Variants in ZNF687 observed in about 807,000 individuals in gnomAD.
The protein encoded by ZNF687 is zinc finger protein 687.
ZNF687 carries 13 observed loss-of-function variants against 71.8 expected under a neutral mutation model. That is an observed-to-expected ratio of 0.18 (90% CI 0.12 to 0.29). The LOEUF is 0.29. ZNF687 is among the 10% of genes least tolerant of loss of function. ZNF687 has a pLI of 1.00. For missense variants in ZNF687, 1,412 were observed against 1,625.6 expected, an observed-to-expected ratio of 0.87 and a Z score of 2.26; for synonymous variants, 673 against 641.6, an observed-to-expected ratio of 1.05 and a Z score of -0.74.
At chr1:151,289,048 T>C (rs1694079875) in intron 3 of ZNF687, 47 bp from the exon 4 acceptor site, 1 of 1,590,062 alleles carries the variant, frequency 6.3e-7, no homozygotes, top group East Asian at 2.2e-5. Context: ...GGGGTGGGCA[T>C]GGAGATGCCT....
rs1694068239 is a variant in ZNF687, at chr1:151,288,813, CTGT to C, written c.2294+112_2294+114del. ...ATCTTCCCTGCTATATCCCTCAGCC[CTGT>C]TGTTTTGCCAGACTCAACCCTGAGA... On this transcript the variant is annotated intron_variant, in intron 3 of 8. Transcript: ENST00000336715. 4 of 1,352,932 alleles carry C rather than the reference CTGT, an allele frequency of 3.0e-6. No homozygotes were observed. In the South Asian group the frequency reaches 4.2e-5, roughly 14 times the overall value. 83.8% of individuals were successfully genotyped at this position (1,352,932 alleles called of 1,614,324 possible).
intron 6 of ZNF687, 52 bp from the exon 7 acceptor site, chr1:151,290,070 G>T: frequency 6.2e-7 from 1 of 1,611,148 alleles, no homozygotes. Flanking sequence ...CAGTGTGACA[G>T]TGGGGACGGG....
chr1:151,283,318 G>T (rs1353278333), intron 1 of ZNF687: 2 of 985,284 alleles, frequency 2.0e-6, no homozygotes, highest in Non-Finnish European at 2.4e-6. Context: ...CCCGGGCAAA[G>T]GTCAGTGGAG....
Position 151,289,406 on chromosome 1 carries a change from A to G in ZNF687, c.2500A>G (p.Thr834Ala), listed in dbSNP as rs1020429900. 3.1e-6 allele frequency: 5 copies of G among 1,614,184 alleles called. No homozygotes were observed. In the African/African-American group the frequency reaches 4.0e-5, roughly 13 times the overall value. The stretch of plus-strand genomic sequence containing the variant: ...GATCTACAAGTGCGCCATGTGCGAC[A>G]CAGTCTTCACTCACAAACCCCTCCT... Reference protein sequence around the residue: ...KLIYKCAMCDTVFTHKPLLSS... With the variant: ...KLIYKCAMCDAVFTHKPLLSS... Residue 834 changes from threonine (T) to alanine (A), a missense_variant, in exon 5 of 9, where the codon ACA (threonine) becomes GCA (alanine). By Grantham distance (58) the Thr-to-Ala change is moderately conservative (BLOSUM62 0). Transcript: ENST00000336715.
rs142390832 is a variant in ZNF687 at position 151,291,037 on chromosome 1, C to T, written c.3542C>T (p.Pro1181Leu). 3.1e-6 allele frequency: 5 copies of T among 1,613,764 alleles called. No individual in the cohort carries two copies. The highest frequency in any genetic ancestry group is 2.7e-5 in the African/African-American group (2 of 74,892). The change falls in exon 9 of 9, where the codon CCA becomes CTA. Residue 1181 changes from proline (P) to leucine (L), a missense_variant. Physicochemically the swap from Pro to Leu is moderately conservative, Grantham distance 98. Transcript: ENST00000336715. ...GLGDGEEEAP[P>L]SRSDPDGGDS... ...GGGGATGGGGAGGAAGAGGCCCCTC[C>T]ATCAAGGTCTGACCCCGATGGTGGA...
rs1265359058 is a variant in ZNF687 at position 151,286,640 on chromosome 1, C to G, written c.349C>G (p.Pro117Ala). 5.0e-6 allele frequency: 8 copies of G among 1,614,098 alleles called. No homozygotes were observed. The Admixed American group carries it at 1.3e-4, about 27-fold the overall frequency. The change falls in exon 2 of 9, where the codon CCT becomes GCT. Residue 117 changes from proline (P) to alanine (A), a missense_variant. By Grantham distance (27) the Pro-to-Ala change is conservative. Around this residue, in one of 8 missense-constraint regions of ZNF687, gnomAD observed 490 missense variants for 489.9 expected, o/e 1.00. Coordinates refer to ENST00000336715, the MANE Select transcript of ZNF687 (RefSeq NM_020832.3). ...GGCTGCTGGGGTAACTAAAGAAGGG[C>G]CTGTGGGGCCTCATCGAATGCAGAA... is the stretch of plus-strand genomic sequence containing the variant. ...AQAAGVTKEG[P>A]VGPHRMQNGF...
Position 151,284,802 on chromosome 1 carries a change from CTTTTTTTTTT to C in ZNF687, c.-17-1455_-17-1446del, listed in dbSNP as rs869269504. ...ACTTGTGCTCTCTGCCTTGTCTTGT[CTTTTTTTTTT>C]TTTTTTTTTTTTTTTTTGAGACGGT... On this transcript the variant is annotated intron_variant, in intron 1 of 8. Transcript: ENST00000336715. 1.2e-3 allele frequency among the ~76,000 whole-genome samples: 68 copies of C among 56,434 alleles called. 1 individual carries two copies. The highest frequency in any genetic ancestry group is 1.7e-3 in the Non-Finnish European group (54 of 31,508). 37.0% of individuals were successfully genotyped at this position (56,434 alleles called of 152,430 possible).
rs587618402 is a variant in ZNF687 at position 151,289,474 on chromosome 1, T to C, written c.2568T>C (p.Ser856=). 6.2e-7 allele frequency: 1 copy of C among 1,614,138 alleles called. No homozygotes were observed. Among genetic ancestry groups the C allele is most frequent in the South Asian group, 1.1e-5 (1 of 91,092 alleles). The change falls in exon 5 of 9, where the codon AGT becomes AGC. Residue 856 remains serine, a synonymous_variant. Coordinates refer to ENST00000336715, the MANE Select transcript of ZNF687 (RefSeq NM_020832.3). ...FDQHLLPQRV[S]VFKCPSCPLL... ...AGCACTTGCTGCCCCAGCGTGTCAG[T>C]GTCTTTAAGTGCCCGTCTTGTCCTC...
intron 3 of ZNF687, 131 bp from the exon 4 acceptor site, chr1:151,288,964 C>G (rs587640700): frequency 9.1e-7 from 1 of 1,095,616 alleles, no homozygotes; most frequent in East Asian, 2.5e-5. Flanking sequence ...TCTCCTTTCT[C>G]CACCCTGCTC....
In ZNF687 at chr1:151,286,311, C is replaced by T; in HGVS notation, c.20C>T (p.Pro7Leu). Residue 7 changes from proline (P) to leucine (L), a missense_variant, in exon 2 of 9, where the codon CCT (proline) becomes CTT (leucine). This residue lies in a region of ZNF687 where 490 missense variants were observed against 489.9 expected (regional missense o/e 1.00). Transcript: ENST00000336715. MGDMKTPDFDDLLAAFD... is the reference protein window; with the variant it reads MGDMKTLDFDDLLAAFD... ...GCCGATATGGGGGATATGAAGACCC[C>T]TGATTTTGATGACCTCCTTGCTGCC... The T allele has an allele frequency of 6.4e-7, 1 of 1,571,182 alleles. No homozygotes were observed. The highest frequency in any genetic ancestry group is 8.6e-7 in the Non-Finnish European group (1 of 1,162,740).
rs1296866905 is a variant in ZNF687 at position 151,289,805 on chromosome 1, A to G, written c.2762A>G (p.Glu921Gly). Reference sequence around the variant, plus strand: ...GGAGGGGCAGCCCCTGCTACTGAGGAGTCGTCTTCATCTTCAGAAGAGGAG... The same window carrying G: ...GGAGGGGCAGCCCCTGCTACTGAGGGGTCGTCTTCATCTTCAGAAGAGGAG... The part of the protein sequence containing the change: ...SQGGAAPATE[E>G]SSSSSEEEEV... The change falls in exon 6 of 9, where the codon GAG (glutamate) becomes GGG (glycine). Residue 921 changes from glutamate (E) to glycine (G), a missense_variant. Glu to Gly is a moderately conservative substitution (Grantham distance 98). Coordinates refer to ENST00000336715, the MANE Select transcript of ZNF687 (RefSeq NM_020832.3). The G allele has an allele frequency of 6.4e-7, 1 of 1,566,400 alleles. No homozygotes were observed. Among genetic ancestry groups the G allele is most frequent in the South Asian group, 1.2e-5 (1 of 85,580 alleles).
chr1:151,288,370 G>A lies in ZNF687; in HGVS notation c.2079G>A (p.Gln693=), dbSNP rs748981683. 15 of 1,608,212 alleles carry A rather than the reference G, an allele frequency of 9.3e-6. No individual in the cohort carries two copies. In the Admixed American group the frequency reaches 2.3e-4, roughly 25 times the overall value. The change falls in exon 2 of 9, where the codon CAG becomes CAA. Residue 693 remains glutamine (Q), a synonymous_variant. Transcript: ENST00000336715. The stretch of plus-strand genomic sequence containing the variant: ...AGGCTGGCATGGCAGCTCACTTCCA[G>A]CAGCTCGGCCCCCCTGCCCCTGGGG... The part of the protein sequence containing the change: ...RDKAGMAAHF[Q]QLGPPAPGAT...
Position 151,286,867 on chromosome 1 carries a change from G to A in ZNF687, c.576G>A (p.Pro192=), listed in dbSNP as rs760348310. 13 of 1,613,224 alleles carry A rather than the reference G, an allele frequency of 8.1e-6. No homozygotes were observed. The highest frequency in any genetic ancestry group is 1.6e-4 in the Middle Eastern group (1 of 6,082). The change falls in exon 2 of 9, where the codon CCG becomes CCA. Residue 192 remains proline, a synonymous_variant. Coordinates refer to ENST00000336715, the MANE Select transcript of ZNF687 (RefSeq NM_020832.3). ...CCACTCGGGAGGGGGCTCTGACCCCGCCTCCTTTCCCCTCTTCCTTTGAGC... is the reference window on the plus strand; with the variant it reads ...CCACTCGGGAGGGGGCTCTGACCCCACCTCCTTTCCCCTCTTCCTTTGAGC... ...PSPTREGALT[P]PPFPSSFELA...
At chr1:151,284,103 G>A in intron 1 of ZNF687, 3 of 985,448 alleles carry the variant, frequency 3.0e-6, no homozygotes, top group Non-Finnish European at 3.6e-6. Context: ...CCAGGTTGAG[G>A]CTAGGTGAAA....
intron 1 of ZNF687, chr1:151,282,995 CCT>C (rs1693787323): frequency 2.1e-6 from 1 of 478,142 alleles, no homozygotes; most frequent in African/African-American, 2.1e-5. Context: ...TCTCTCCTCC[CCT>C]CTTTCCAGCT....
Position 151,289,828 on chromosome 1 carries a change from G to A in ZNF687, c.2785G>A (p.Glu929Lys). The A allele has an allele frequency of 6.4e-7, 1 of 1,569,714 alleles. No homozygotes were observed. The highest frequency in any genetic ancestry group is 8.6e-7 in the Non-Finnish European group (1 of 1,156,782). The part of the protein sequence containing the change: ...TEESSSSSEE[E>K]EVPSSPEPPR... ...GGAGTCGTCTTCATCTTCAGAAGAG[G>A]AGGAAGTACCCAGCTCCCCTGAGCC... Residue 929 changes from glutamate (E) to lysine (K), a missense_variant, in exon 6 of 9, where the codon GAG becomes AAG. Coordinates refer to ENST00000336715, the MANE Select transcript of ZNF687 (RefSeq NM_020832.3).
Position 151,291,169 on chromosome 1 carries a change from C to A in ZNF687, c.3674C>A (p.Ala1225Glu). ...ACCCACTTCCGCACGCATGGCATGG[C>A]GTTCATCAGGGCTCGGCAGGGGGCT... Reference protein sequence around the residue: ...LKTHFRTHGMAFIRARQGAVG... With the variant: ...LKTHFRTHGMEFIRARQGAVG... The change falls in exon 9 of 9, where the codon GCG becomes GAG. Residue 1225 changes from alanine to glutamate, a missense_variant. Ala to Glu is a moderately radical substitution (Grantham distance 107, BLOSUM62 -1). Around this residue, in one of 8 missense-constraint regions of ZNF687, gnomAD observed 284 missense variants for 359.2 expected, o/e 0.79. Transcript: ENST00000336715. The A allele has an allele frequency of 6.2e-7, 1 of 1,612,832 alleles. No individual in the cohort carries two copies. The highest frequency in any genetic ancestry group is 8.5e-7 in the Non-Finnish European group (1 of 1,179,874).
In ZNF687 at chr1:151,289,375, C is replaced by A; in HGVS notation, c.2472-3C>A. ...CCTGATGTCTGCACTGTCCTCACTT[C>A]AGGCTGATCTACAAGTGCGCCATGT... is the stretch of plus-strand genomic sequence containing the variant. On this transcript the variant is annotated splice_region_variant and splice_polypyrimidine_tract_variant and intron_variant, in intron 4 of 8. Transcript: ENST00000336715. 6.2e-7 allele frequency: 1 copy of A among 1,614,166 alleles called. No homozygotes were observed. The highest frequency in any genetic ancestry group is 1.1e-5 in the South Asian group (1 of 91,090).
chr1:151,282,457 T>G, intron 1 of ZNF687, 62 bp downstream of exon 1: 1 of 970,146 alleles, frequency 1.0e-6, no homozygotes, highest in Non-Finnish European at 1.2e-6. Flanking sequence ...GGCGGGTAAA[T>G]ACCCCCGCCC....
Sources: allele counts gnomAD v4.1 joint callset (sites outside exome capture counted in the v4.1 genomes callset), GRCh38; gene constraint gnomAD v4.1.1; regional missense constraint gnomAD v4.1.1; transcripts MANE v1.5; gene names NCBI Gene and HGNC (gene_info 2026-07-23, HGNC 2026-07-21).